Variants in BAIAP2L1 observed in about 807,000 individuals in gnomAD.
BAIAP2L1 encodes BAR/IMD domain-containing adapter protein 2-like 1.
Under a neutral mutation model 66.3 loss-of-function variants are expected in BAIAP2L1, and 35 were observed. The observed-to-expected ratio is 0.53, with a 90% confidence interval of 0.40 to 0.70. The LOEUF (loss-of-function observed/expected upper bound fraction) is 0.70. BAIAP2L1 is among the 30% of genes least tolerant of loss of function. The pLI is 0.00. For synonymous variants in BAIAP2L1, 269 were observed against 248.7 expected (o/e 1.08, Z -0.77); for missense variants, 622 against 656.9 (o/e 0.95, Z 0.58).
chr7:98,391,688 G>A (rs1379536390), intron 1 of BAIAP2L1, among the ~76,000 whole-genome samples: 1 of 140,510 alleles, frequency 7.1e-6, no homozygotes, highest in Non-Finnish European at 1.5e-5. Context: ...CAGCCTGGGC[G>A]ACAGAGTGAG....
At chr7:98,330,651 T>C (rs966898566) in intron 3 of BAIAP2L1, among the ~76,000 whole-genome samples, 15 of 152,026 alleles carry the variant, frequency 9.9e-5, no homozygotes. Flanking sequence ...AGCAAAACTG[T>C]TTCAAAAAAA....
chr7:98,313,912 G>T (rs965073721), intron 7 of BAIAP2L1, among the ~76,000 whole-genome samples: 2 of 150,800 alleles, frequency 1.3e-5, no homozygotes, highest in African/African-American at 4.9e-5. Flanking sequence ...TTATAGGCAT[G>T]AGCCACTGTG....
chr7:98,305,821 A>G (rs1307149525), intron 11 of BAIAP2L1, among the ~76,000 whole-genome samples: 3 of 152,322 alleles, frequency 2.0e-5, no homozygotes, highest in Non-Finnish European at 2.9e-5. Flanking sequence ...TCTCTAGGCA[A>G]TAACTACTGT....
intron 1 of BAIAP2L1, among the ~76,000 whole-genome samples, chr7:98,370,934 A>G (rs531247326): frequency 6.6e-6 from 1 of 152,168 alleles, no homozygotes; most frequent in Admixed American, 6.6e-5. Context: ...CAGAATCTAT[A>G]AAGTTTTATA....
At position 98,333,465 on chromosome 7, in the gene BAIAP2L1, G is replaced by C. The variant is rs569400023; in HGVS notation, c.215-13167C>G. 3.3e-5 allele frequency among the ~76,000 whole-genome samples: 5 copies of C among 152,126 alleles called. No homozygotes were observed. In the East Asian group the frequency reaches 9.7e-4, roughly 29 times the overall value. On this transcript the variant is annotated intron_variant, in intron 3 of 13. Transcript: ENST00000005260. ...ATACAAAAAATTAGCTGGGCGTGGT[G>C]GTGGGCGCCTGTAATCCCAGTTACT...
chr7:98,292,559 C>G lies in BAIAP2L1; in HGVS notation c.*962G>C. 7.3e-7 allele frequency: 1 copy of G among 1,361,664 alleles called. No homozygotes were observed. Among genetic ancestry groups the G allele is most frequent in the Non-Finnish European group, 1.0e-6 (1 of 974,972 alleles). The allele number at this position is 1,361,664 out of a possible 1,614,324, so 84.3% of individuals were successfully genotyped here. ...AGCCCCGGGCTCAGGGCAGCCAGTGCGTAGTCCTCACATCCATACCATAGG... is the reference window on the plus strand; with the variant it reads ...AGCCCCGGGCTCAGGGCAGCCAGTGGGTAGTCCTCACATCCATACCATAGG... On this transcript the variant is annotated 3_prime_UTR_variant, in exon 14 of 14. Transcript: ENST00000005260.
intron 3 of BAIAP2L1, among the ~76,000 whole-genome samples, chr7:98,330,992 A>G (rs1447479241): frequency 6.6e-6 from 1 of 152,154 alleles, no homozygotes. Flanking sequence ...ACATTTCAAC[A>G]TAAAATTGGG....
intron 11 of BAIAP2L1, among the ~76,000 whole-genome samples, chr7:98,306,102 T>TGTAAGATAAGAACG (rs1800646347): frequency 6.6e-6 from 1 of 152,114 alleles, no homozygotes; most frequent in Admixed American, 6.6e-5. Flanking sequence ...CGTTAAGGGC[T>TGTAAGATAAGAACG]GTAAGATAAG....
chr7:98,399,711 C>T (rs1415972299), intron 1 of BAIAP2L1, among the ~76,000 whole-genome samples: 2 of 152,182 alleles, frequency 1.3e-5, no homozygotes, highest in African/African-American at 2.4e-5. Flanking sequence ...ACCTGGAATT[C>T]ATTTGTAAGT....
chr7:98,310,143 G>A (rs755870066), intron 9 of BAIAP2L1: 7 of 268,700 alleles, frequency 2.6e-5, no homozygotes, highest in Middle Eastern at 1.2e-3. Context: ...GAGCCACCGC[G>A]CCTGGCCTCC....
chr7:98,377,036 GGAA>G (rs1802649187), intron 1 of BAIAP2L1, among the ~76,000 whole-genome samples: 1 of 152,124 alleles, frequency 6.6e-6, no homozygotes, highest in South Asian at 2.1e-4. Flanking sequence ...GTTTCCCTAA[GGAA>G]GAAGATATTC....
chr7:98,381,633 G>A (rs1335017742), intron 1 of BAIAP2L1, among the ~76,000 whole-genome samples: 2 of 152,136 alleles, frequency 1.3e-5, no homozygotes, highest in Non-Finnish European at 2.9e-5. Context: ...GACATGCACC[G>A]CTGCTTCTTC....
rs188210060 is a variant in BAIAP2L1 at position 98,336,248 on chromosome 7, A to G, written c.215-15950T>C. Among the ~76,000 whole-genome samples, 239 of 152,058 alleles carry G rather than the reference A, an allele frequency of 1.6e-3. 1 individual carries two copies. The highest frequency in any genetic ancestry group is 2.5e-3 in the Non-Finnish European group (173 of 68,026). ...GTCATACTCCAAACCTTGGCATCACATGATATACCCAGGTAACAAACCCAC... is the reference window on the plus strand; with the variant it reads ...GTCATACTCCAAACCTTGGCATCACGTGATATACCCAGGTAACAAACCCAC... On this transcript the variant is annotated intron_variant, in intron 3 of 13. Transcript: ENST00000005260.
Position 98,292,493 on chromosome 7 carries a change from C to A in BAIAP2L1, c.*1028G>T. 2.5e-6 allele frequency: 2 copies of A among 794,790 alleles called. No individual in the cohort carries two copies. The highest frequency in any genetic ancestry group is 3.5e-5 in the South Asian group (2 of 56,342). The allele number at this position is 794,790 out of a possible 1,614,324, so 49.2% of individuals were successfully genotyped here. A position where few individuals can be genotyped will look rare whatever the true frequency, so the allele number is the denominator to read the frequency against. On this transcript the variant is annotated 3_prime_UTR_variant, in exon 14 of 14. Coordinates refer to ENST00000005260, the MANE Select transcript of BAIAP2L1 (RefSeq NM_018842.5). Reference sequence around the variant, plus strand: ...GGAATTTTAACCATGACTCTCCACTCCAAAATAGGTCCAGATCCTTGGCAG... The same window carrying A: ...GGAATTTTAACCATGACTCTCCACTACAAAATAGGTCCAGATCCTTGGCAG...
At chr7:98,378,257 GAA>G (rs1584497431) in intron 1 of BAIAP2L1, among the ~76,000 whole-genome samples, 1 of 152,156 alleles carries the variant, frequency 6.6e-6, no homozygotes, top group Admixed American at 6.6e-5. Flanking sequence ...CATGGGGAGA[GAA>G]ATGATGAAAG....
chr7:98,353,528 TA>T (rs1160239025), intron 3 of BAIAP2L1, among the ~76,000 whole-genome samples: 2 of 135,690 alleles, frequency 1.5e-5, no homozygotes, highest in Admixed American at 8.4e-5. Flanking sequence ...CATATATTTA[TA>T]AATATACATA....
intron 1 of BAIAP2L1, 63 bp downstream of exon 1, chr7:98,400,739 G>C: frequency 6.6e-7 from 1 of 1,521,792 alleles, no homozygotes; most frequent in Non-Finnish European, 8.9e-7. Flanking sequence ...CCCGCGTAAA[G>C]TCCCCTTCTG....
At chr7:98,357,955 A>C (rs1220566014) in intron 2 of BAIAP2L1, among the ~76,000 whole-genome samples, 4 of 152,206 alleles carry the variant, frequency 2.6e-5, no homozygotes, top group Admixed American at 1.3e-4. Flanking sequence ...CTAAGAAAGA[A>C]GTGACTCCAC....
chr7:98,303,233 G>A (rs535610114), intron 12 of BAIAP2L1, among the ~76,000 whole-genome samples: 2 of 152,150 alleles, frequency 1.3e-5, no homozygotes, highest in African/African-American at 4.8e-5. Flanking sequence ...AAGCACATCC[G>A]TTTCATATCA....
Sources: allele counts gnomAD v4.1 joint callset (sites outside exome capture counted in the v4.1 genomes callset), GRCh38; gene constraint gnomAD v4.1.1; transcripts MANE v1.5; gene names NCBI Gene and HGNC (gene_info 2026-07-23, HGNC 2026-07-21).